The following BLNK variants were observed in gnomAD, a reference collection of about 807,000 sequenced individuals.
The protein encoded by BLNK is B cell linker, also known as B-cell linker protein.
In BLNK, 29 loss-of-function variants were observed where a neutral mutation model predicts 73.5. The observed-to-expected ratio is 0.39, with a 90% CI of 0.29 to 0.54. BLNK has a LOEUF of 0.54. Ranked by LOEUF, BLNK falls within the 20% of genes least tolerant of loss-of-function variation. The pLI is 0.61. For synonymous variants in BLNK, 176 were observed against 200.8 expected (o/e 0.88, Z 1.04); for missense variants, 460 against 562.8 (o/e 0.82, Z 1.85).
At chr10:96,206,981 A>T in intron 11 of BLNK, 30 bp downstream of exon 11, 1 of 1,605,600 alleles carries the variant, frequency 6.2e-7, no homozygotes, top group Non-Finnish European at 8.5e-7. Flanking sequence ...TTTAGAGGAC[A>T]TGCTCATCCT....
In BLNK at chr10:96,189,718, T is replaced by C; in HGVS notation, c.*2255A>G. On this transcript the variant is annotated 3_prime_UTR_variant, in exon 17 of 17. Coordinates refer to ENST00000224337, the MANE Select transcript of BLNK (RefSeq NM_013314.4). ...ATCAAAATCATCATCATCATCATCA[T>C]CATCATCATCATCATCTTCATCAGC... The C allele has an allele frequency of 1.4e-6, 1 of 717,786 alleles. No individual in the cohort carries two copies. The allele number at this position is 717,786 out of a possible 1,614,324, so 44.5% of individuals were successfully genotyped here. A position where few individuals can be genotyped will look rare whatever the true frequency, so the allele number is the denominator to read the frequency against.
At chr10:96,232,978 G>C (rs1480556242) in intron 3 of BLNK, among the ~76,000 whole-genome samples, 4 of 151,968 alleles carry the variant, frequency 2.6e-5, no homozygotes, top group African/African-American at 9.7e-5. Context: ...GCTAACTTTT[G>C]TATTTTTTGT....
At chr10:96,199,439 C>T (rs2083567295) in intron 15 of BLNK, 1 of 451,742 alleles carries the variant, frequency 2.2e-6, no homozygotes, top group Non-Finnish European at 4.5e-6. Flanking sequence ...ACTGTTCACT[C>T]CTCAGTGGAG....
At chr10:96,230,139 G>A (rs1450031988) in intron 4 of BLNK, among the ~76,000 whole-genome samples, 4 of 152,174 alleles carry the variant, frequency 2.6e-5, no homozygotes, top group Admixed American at 2.6e-4. Flanking sequence ...AGGATGTCAG[G>A]CCTTGCACAT....
chr10:96,233,458 AGAGGTTC>A (rs1842582062), intron 3 of BLNK, among the ~76,000 whole-genome samples: 1 of 152,234 alleles, frequency 6.6e-6, no homozygotes. Context: ...GGAATCAAGT[AGAGGTTC>A]TGTGGCAACA....
rs114008117 is a variant in BLNK, at chr10:96,237,896, C to T, written c.163+4839G>A. Among the ~76,000 whole-genome samples the T allele has an allele frequency of 5.7e-3, 864 of 152,288 alleles. 8 individuals carry two copies. Among genetic ancestry groups the T allele is most frequent in the African/African-American group, 0.02 (830 of 41,562 alleles). ...TTTTCCTCATCTGCAAAACCGAGAT[C>T]GTAATTTCTATATAACGGTGCTAAT... On this transcript the variant is annotated intron_variant, in intron 3 of 16. Coordinates refer to ENST00000224337, the MANE Select transcript of BLNK (RefSeq NM_013314.4).
chr10:96,256,616 C>T (rs1325760170), intron 1 of BLNK, among the ~76,000 whole-genome samples: 2 of 152,120 alleles, frequency 1.3e-5, no homozygotes, highest in Non-Finnish European at 2.9e-5. Context: ...TATGGTGGCT[C>T]ATGCCTGTAA....
intron 1 of BLNK, among the ~76,000 whole-genome samples, chr10:96,259,522 C>T (rs1299031370): frequency 3.3e-5 from 5 of 152,090 alleles, no homozygotes; most frequent in East Asian, 1.9e-4. Context: ...TCTCAACACC[C>T]GAGGCAGAAA....
chr10:96,209,217 T>C (rs1410359400), intron 9 of BLNK, among the ~76,000 whole-genome samples: 5 of 152,088 alleles, frequency 3.3e-5, no homozygotes, highest in African/African-American at 1.2e-4. Flanking sequence ...TTACAGACCA[T>C]AAAACTGAGC....
chr10:96,271,265 C>T, intron 1 of BLNK, 87 bp downstream of exon 1: 2 of 1,480,080 alleles, frequency 1.4e-6, no homozygotes, highest in Non-Finnish European at 9.4e-7. Flanking sequence ...CAAAGCATTC[C>T]AGGATTTCAG....
At chr10:96,206,857 C>T (rs2083824879) in intron 11 of BLNK, among the ~76,000 whole-genome samples, 154 bp downstream of exon 11, 1 of 152,206 alleles carries the variant, frequency 6.6e-6, no homozygotes, top group African/African-American at 2.4e-5. Flanking sequence ...GCTAGTTTTG[C>T]TGTTCATTGC....
chr10:96,201,088 A>G lies in BLNK; in HGVS notation c.935-30T>C, dbSNP rs144913246. 8.7e-5 allele frequency: 137 copies of G among 1,579,392 alleles called. No individual in the cohort carries two copies. In the East Asian group the frequency reaches 2.7e-3, roughly 31 times the overall value. ...AAGGGATCAGAAAAGTCCTTCAATTAATCTTCATATTTCTTGAACTCTTTC... is the reference window on the plus strand; with the variant it reads ...AAGGGATCAGAAAAGTCCTTCAATTGATCTTCATATTTCTTGAACTCTTTC... On this transcript the variant is annotated intron_variant, in intron 13 of 16. Transcript: ENST00000224337.
chr10:96,210,688 C>CTCCCCCTCAGCATCCCCT (rs1554898534), intron 8 of BLNK, among the ~76,000 whole-genome samples: 2 of 152,094 alleles, frequency 1.3e-5, no homozygotes, highest in Non-Finnish European at 2.9e-5. Flanking sequence ...GGGGAGAGGC[C>CTCCCCCTCAGCATCCCCT]AGAGCTGAGC....
intron 5 of BLNK, among the ~76,000 whole-genome samples, chr10:96,226,407 G>T (rs1408927101): frequency 2.0e-5 from 3 of 152,180 alleles, no homozygotes; most frequent in African/African-American, 7.2e-5. Context: ...TAAGGAGGGG[G>T]TTAATGGCAG....
intron 1 of BLNK, among the ~76,000 whole-genome samples, chr10:96,268,049 T>G (rs143523754): frequency 3.3e-5 from 5 of 152,126 alleles, no homozygotes; most frequent in African/African-American, 1.2e-4. Flanking sequence ...AAATCTTGAT[T>G]TTTCTAATGG....
chr10:96,261,223 G>A (rs1843742935), intron 1 of BLNK, among the ~76,000 whole-genome samples: 1 of 152,110 alleles, frequency 6.6e-6, no homozygotes, highest in Non-Finnish European at 1.5e-5. Context: ...ATAGGAAATT[G>A]TTTAATTATC....
At chr10:96,217,137 T>G (rs1254272386) in intron 6 of BLNK, among the ~76,000 whole-genome samples, 1 of 152,240 alleles carries the variant, frequency 6.6e-6, no homozygotes, top group Non-Finnish European at 1.5e-5. Flanking sequence ...TGGTATAGTA[T>G]GTATCACAAC....
In BLNK at chr10:96,201,017, G is replaced by C. The variant is rs782358356; in HGVS notation, c.976C>G (p.Pro326Ala). ...ATAGTGGAATTAGATGAAAAGCTGG[G>C]TAGGGGCCCATCCACAGTTGGGTTT... ...GGNPTVDGPLPSFSSNSTISE... is the reference protein window; with the variant it reads ...GGNPTVDGPLASFSSNSTISE... Residue 326 changes from proline to alanine, a missense_variant, in exon 14 of 17, where the codon CCC becomes GCC. Pro to Ala is a conservative substitution (Grantham distance 27, BLOSUM62 -1). Around this residue, in one of 3 missense-constraint regions of BLNK, gnomAD observed 233 missense variants for 232.1 expected, o/e 1.00. Coordinates refer to ENST00000224337, the MANE Select transcript of BLNK (RefSeq NM_013314.4). 5 of 1,614,000 alleles carry C rather than the reference G, an allele frequency of 3.1e-6. No individual in the cohort carries two copies. The highest frequency in any genetic ancestry group is 1.6e-4 in the Middle Eastern group (1 of 6,084).
intron 2 of BLNK, among the ~76,000 whole-genome samples, chr10:96,246,079 A>C (rs55769428): frequency 0.028 from 4,258 of 152,216 alleles, 85 homozygotes; most frequent in Non-Finnish European, 0.042. Context: ...AGACCTACTA[A>C]GGTACGTCTA....
Sources: gnomAD v4.1 joint callset for allele counts (sites outside exome capture counted in the v4.1 genomes callset) on GRCh38, gnomAD v4.1.1 for gene constraint, gnomAD v4.1.1 regional missense constraint, MANE v1.5 for transcripts, NCBI Gene and HGNC (gene_info 2026-07-23, HGNC 2026-07-21) for gene names.